Variants in TMEM164 observed in about 807,000 individuals in gnomAD.
TMEM164 encodes RP13-360B22.2.
TMEM164 carries 4 observed loss-of-function variants against 18.8 expected under a neutral mutation model. The observed-to-expected ratio is 0.21, with a 90% CI of 0.10 to 0.49. The LOEUF (loss-of-function observed/expected upper bound fraction) is 0.49, where lower values mean the gene tolerates loss of function less well. TMEM164 is among the 20% of genes least tolerant of loss of function. The pLI, the probability that TMEM164 is intolerant of heterozygous loss-of-function variation, is 0.98. For missense variants in TMEM164, 108 were observed against 239.9 expected, an observed-to-expected ratio of 0.45 and a Z score of 3.63; for synonymous variants, 86 against 101.7, an observed-to-expected ratio of 0.85 and a Z score of 0.93.
intron 5 of TMEM164, among the ~76,000 whole-genome samples, chrX:110,158,567 G>T (rs1455685263): frequency 2.7e-5 from 3 of 112,395 alleles, no homozygotes; most frequent in Non-Finnish European, 5.6e-5. Flanking sequence ...TTTATTATTA[G>T]CTGAGCAGGC....
At chrX:110,115,404 A>G (rs1230797397) in intron 4 of TMEM164, among the ~76,000 whole-genome samples, 2 of 112,130 alleles carry the variant, frequency 1.8e-5, no homozygotes, top group Non-Finnish European at 3.8e-5. Context: ...AGTGAGGCAC[A>G]ATAGTGCCTC....
intron 3 of TMEM164, among the ~76,000 whole-genome samples, chrX:110,096,374 G>C (rs1179278261): frequency 8.9e-6 from 1 of 112,821 alleles, no homozygotes; most frequent in Non-Finnish European, 1.9e-5. Flanking sequence ...ACCTACTCAA[G>C]CCTTAGCAAT....
chrX:110,055,373 A>AAT, intron 2 of TMEM164: 2 of 373,961 alleles, frequency 5.3e-6, no homozygotes, highest in Non-Finnish European at 1.1e-5. Flanking sequence ...GGTGCCATTC[A>AAT]CATAGACTAT....
rs753997797 is a variant in TMEM164 at position 110,103,595 on chromosome X, G to A, written c.441-5485G>A. ...ATATCAAAGGCATGTTTCTGGGTGA[G>A]TACTTGCTGTCTCTAAGAATTGGCT... On this transcript the variant is annotated intron_variant, in intron 3 of 6. Transcript: ENST00000372068. 4.1e-4 allele frequency among the ~76,000 whole-genome samples: 44 copies of A among 107,074 alleles called. 1 individual carries two copies. The highest frequency in any genetic ancestry group is 2.1e-3 in the Admixed American group (21 of 9,966). The allele number at this position is 107,074 out of a possible 115,157, so 93.0% of individuals were successfully genotyped here.
chrX:110,147,872 T>G (rs2066880562), intron 5 of TMEM164, among the ~76,000 whole-genome samples: 1 of 110,335 alleles, frequency 9.1e-6, no homozygotes, highest in Non-Finnish European at 1.9e-5. Context: ...TCCTGTTATG[T>G]TCTTTCTTTG....
chrX:110,140,167 C>T (rs932965646), intron 4 of TMEM164, among the ~76,000 whole-genome samples: 4 of 110,885 alleles, frequency 3.6e-5, no homozygotes, highest in African/African-American at 6.6e-5. Context: ...TGGAGGGGGC[C>T]GTAAATCCGT....
At chrX:110,050,459 C>T (rs772592170) in intron 2 of TMEM164, among the ~76,000 whole-genome samples, 1 of 110,976 alleles carries the variant, frequency 9.0e-6, no homozygotes, top group African/African-American at 3.3e-5. Flanking sequence ...TGTCCACTTT[C>T]AGCTCATCTC....
chrX:110,106,832 A>G (rs1191008988), intron 3 of TMEM164, among the ~76,000 whole-genome samples: 2 of 111,617 alleles, frequency 1.8e-5, no homozygotes, highest in African/African-American at 6.5e-5. Context: ...AGCTCCTGCT[A>G]TAGACAGTGA....
Position 110,104,335 on chromosome X carries a change from CT to C in TMEM164, c.441-4744del, listed in dbSNP as rs746957911. On this transcript the variant is annotated intron_variant, in intron 3 of 6. Coordinates refer to ENST00000372068, the MANE Select transcript of TMEM164 (RefSeq NM_032227.4). ...GTATCCCTTAGAATGCCCTGTGCCCCTGATCATCTCCGAATGGGCTGTTCTT... is the reference window on the plus strand; with the variant it reads ...GTATCCCTTAGAATGCCCTGTGCCCCGATCATCTCCGAATGGGCTGTTCTT... 6.5e-4 allele frequency among the ~76,000 whole-genome samples: 73 copies of C among 111,868 alleles called. 1 individual carries two copies. Among genetic ancestry groups the C allele is most frequent in the African/African-American group, 1.9e-3 (59 of 30,817 alleles).
At chrX:110,154,331 T>G (rs1602720930) in intron 5 of TMEM164, among the ~76,000 whole-genome samples, 1 of 112,107 alleles carries the variant, frequency 8.9e-6, no homozygotes, top group East Asian at 2.8e-4. Context: ...CTTAAATACT[T>G]TATTCTGAGA....
intron 2 of TMEM164, among the ~76,000 whole-genome samples, chrX:110,008,219 G>A (rs1932835889): frequency 8.9e-6 from 1 of 112,301 alleles, no homozygotes; most frequent in Non-Finnish European, 1.9e-5. Flanking sequence ...TGAGCTTTTT[G>A]TGAAACCCCT....
At chrX:110,143,919 T>C (rs926235218) in intron 4 of TMEM164, among the ~76,000 whole-genome samples, 5 of 111,140 alleles carry the variant, frequency 4.5e-5, no homozygotes, top group Admixed American at 1.9e-4. Flanking sequence ...TTCCCCAGAA[T>C]TGAGTTAGCC....
rs1490005313 is a variant in TMEM164 at position 110,147,699 on chromosome X, T to G, written c.586+2823T>G. The stretch of plus-strand genomic sequence containing the variant: ...TGGCCTGTAGCTCTCAATATTTCCA[T>G]TATAATTTGAGCCAACATCCTGAGA... On this transcript the variant is annotated intron_variant, in intron 5 of 6. Coordinates refer to ENST00000372068, the MANE Select transcript of TMEM164 (RefSeq NM_032227.4). 9.0e-5 allele frequency among the ~76,000 whole-genome samples: 10 copies of G among 111,037 alleles called. No individual in the cohort carries two copies. In the East Asian group the frequency reaches 1.7e-3, roughly 19 times the overall value.
chrX:110,109,841 G>A (rs1027661585), intron 4 of TMEM164, among the ~76,000 whole-genome samples: 2 of 112,028 alleles, frequency 1.8e-5, no homozygotes, highest in Admixed American at 9.4e-5. Context: ...CAGGAGCTAC[G>A]AGCCATGTCC....
intron 2 of TMEM164, among the ~76,000 whole-genome samples, chrX:110,014,744 C>CTTTTTT (rs142705177): frequency 3.0e-4 from 16 of 54,153 alleles, no homozygotes; most frequent in East Asian, 6.9e-4. Context: ...TTGGTTGTTT[C>CTTTTTT]TTTTTTTTTT....
intron 4 of TMEM164, among the ~76,000 whole-genome samples, chrX:110,140,991 C>A (rs2066761682): frequency 9.0e-6 from 1 of 111,555 alleles, no homozygotes; most frequent in African/African-American, 3.3e-5. Context: ...AAAGAACTGT[C>A]TTAGCTGGGC....
intron 5 of TMEM164, among the ~76,000 whole-genome samples, chrX:110,163,132 A>G (rs2067114106): frequency 8.9e-6 from 1 of 111,985 alleles, no homozygotes; most frequent in Non-Finnish European, 1.9e-5. Context: ...GCAATGAAAA[A>G]GTCATTTGTG....
chrX:110,028,210 G>T (rs777094700), intron 2 of TMEM164, among the ~76,000 whole-genome samples: 4 of 112,120 alleles, frequency 3.6e-5, no homozygotes, highest in African/African-American at 1.3e-4. Flanking sequence ...ATATTTAAAA[G>T]ATTTCTTCCT....
intron 2 of TMEM164, among the ~76,000 whole-genome samples, chrX:110,027,912 C>T (rs1472312732): frequency 8.9e-6 from 1 of 112,045 alleles, no homozygotes; most frequent in East Asian, 2.8e-4. Context: ...ATGCTGCTTC[C>T]TCTTCTTCTA....
Sources: allele counts gnomAD v4.1 joint callset (sites outside exome capture counted in the v4.1 genomes callset), GRCh38; gene constraint gnomAD v4.1.1; transcripts MANE v1.5; gene names NCBI Gene and HGNC (gene_info 2026-07-23, HGNC 2026-07-21).